MYOCD: variants seen among roughly 807,000 people sequenced by gnomAD.
MYOCD encodes myocardin.
In MYOCD, 32 loss-of-function variants were observed where a neutral mutation model predicts 96.1. The observed-to-expected ratio is 0.33, with a 90% CI of 0.25 to 0.45. MYOCD has a LOEUF of 0.45. Ranked by LOEUF, MYOCD falls within the 20% of genes least tolerant of loss-of-function variation. The pLI is 1.00. For synonymous variants in MYOCD, 469 were observed against 469.0 expected (o/e 1.00, Z 0.00); for missense variants, 1,133 against 1,200.6 (o/e 0.94, Z 0.83).
intron 10 of MYOCD, among the ~76,000 whole-genome samples, chr17:12,755,889 T>TA (rs1329373125): frequency 1.3e-5 from 2 of 151,688 alleles, no homozygotes; most frequent in South Asian, 2.1e-4. Flanking sequence ...ATGAATAAAA[T>TA]AAAAAAATAA....
In MYOCD at chr17:12,768,007, C is replaced by T. The variant is rs2033385352; in HGVS notation, c.*4363C>T. 6.6e-6 allele frequency: 1 copy of T among 152,164 alleles called. No individual in the cohort carries two copies. The highest frequency in any genetic ancestry group is 1.5e-5 in the Non-Finnish European group (1 of 68,036). The allele number at this position is 152,164 out of a possible 1,614,324, so 9.4% of individuals were successfully genotyped here. On this transcript the variant is annotated 3_prime_UTR_variant, in exon 14 of 14. Coordinates refer to ENST00000425538, the MANE Select transcript of MYOCD (RefSeq NM_001146312.3). ...GCTGCCTTCCTCACAGAAGGAAGTTCCCAAAATTGCTGGTACACAGTTTGC... is the reference window on the plus strand; with the variant it reads ...GCTGCCTTCCTCACAGAAGGAAGTTTCCAAAATTGCTGGTACACAGTTTGC...
intron 6 of MYOCD, 136 bp from the exon 7 acceptor site, chr17:12,739,067 T>G: frequency 1.0e-6 from 1 of 965,222 alleles, no homozygotes; most frequent in South Asian, 1.7e-5. Context: ...CTCCTCCCAC[T>G]GAGGGAGTAG....
intron 9 of MYOCD, among the ~76,000 whole-genome samples, chr17:12,752,083 G>A (rs933179306): frequency 6.6e-6 from 1 of 152,142 alleles, no homozygotes; most frequent in Non-Finnish European, 1.5e-5. Flanking sequence ...AACCCAGGCA[G>A]ATATGTTTTC....
chr17:12,733,888 A>C (rs561594940), intron 5 of MYOCD, among the ~76,000 whole-genome samples: 1 of 151,846 alleles, frequency 6.6e-6, no homozygotes, highest in Non-Finnish European at 1.5e-5. Context: ...AAAGAAAAAA[A>C]GAAAGAAATG....
intron 1 of MYOCD, among the ~76,000 whole-genome samples, chr17:12,690,714 A>G (rs2030404193): frequency 6.6e-6 from 1 of 150,716 alleles, no homozygotes; most frequent in African/African-American, 2.5e-5. Flanking sequence ...GACATACTAG[A>G]CTATAGTCTC....
rs181564858 is a variant in MYOCD at position 12,743,817 on chromosome 17, A to G, written c.718-366A>G. On this transcript the variant is annotated intron_variant, in intron 7 of 13. Coordinates refer to ENST00000425538, the MANE Select transcript of MYOCD (RefSeq NM_001146312.3). The stretch of plus-strand genomic sequence containing the variant: ...CCCAGCCATGAAAGAACTTTCTACA[A>G]GTAGTCTCAAGATCAGAATGCAACC... 6.3e-4 allele frequency among the ~76,000 whole-genome samples: 96 copies of G among 152,246 alleles called. 1 individual carries two copies. The highest frequency in any genetic ancestry group is 1.6e-3 in the Admixed American group (25 of 15,284).
intron 1 of MYOCD, among the ~76,000 whole-genome samples, chr17:12,694,291 G>T (rs2051410558): frequency 6.6e-6 from 1 of 152,170 alleles, no homozygotes; most frequent in Admixed American, 6.5e-5. Flanking sequence ...AAAAGCTGCA[G>T]GTGGCTGTGC....
At chr17:12,756,246 G>C (rs894230141) in intron 10 of MYOCD, among the ~76,000 whole-genome samples, 168 bp from the exon 11 acceptor site, 1 of 152,172 alleles carries the variant, frequency 6.6e-6, no homozygotes, top group African/African-American at 2.4e-5. Flanking sequence ...TGAGCAGTAG[G>C]TGATGTCTAA....
chr17:12,682,549 A>G (rs2030302), intron 1 of MYOCD, among the ~76,000 whole-genome samples: 17,904 of 152,230 alleles, frequency 0.12, 1,956 homozygotes, highest in African/African-American at 0.29. Flanking sequence ...AGACTAAATT[A>G]TAAACAGGTA....
intron 4 of MYOCD, 95 bp from the exon 5 acceptor site, chr17:12,722,752 G>T: frequency 1.0e-6 from 1 of 1,003,462 alleles, no homozygotes; most frequent in South Asian, 1.6e-5. Flanking sequence ...AGCACAATGT[G>T]ACACAATCGT....
intron 1 of MYOCD, 49 bp from the exon 2 acceptor site, chr17:12,705,079 T>C (rs2031234501): frequency 2.7e-6 from 3 of 1,124,926 alleles, no homozygotes; most frequent in Non-Finnish European, 4.0e-6. Flanking sequence ...AATATAATGA[T>C]TGTAATGATA....
intron 1 of MYOCD, among the ~76,000 whole-genome samples, chr17:12,694,881 CAAAAAAAAAAA>C (rs201215491): frequency 2.9e-5 from 2 of 69,650 alleles, no homozygotes; most frequent in African/African-American, 1.0e-4. Context: ...AAGGAATAAC[CAAAAAAAAAAA>C]AAAAAAAAAA....
At position 12,753,178 on chromosome 17, in the gene MYOCD, C is replaced by T. The variant is rs1417765484; in HGVS notation, c.1890C>T (p.Ser630=). Residue 630 remains serine (S), a synonymous_variant, in exon 10 of 14, where the codon AGC becomes AGT. Coordinates refer to ENST00000425538, the MANE Select transcript of MYOCD (RefSeq NM_001146312.3). ...QTNVLSSTFL[S]PQCSPQHSPL... is the part of the protein sequence containing the mutation. ...ATGTACTTTCTTCCACATTTCTCAG[C>T]CCCCAGTGTTCCCCTCAGCATTCAC... is the stretch of plus-strand genomic sequence containing the variant. 1.9e-6 allele frequency: 3 copies of T among 1,614,038 alleles called. No individual in the cohort carries two copies. The highest frequency in any genetic ancestry group is 1.7e-5 in the Admixed American group (1 of 59,998).
chr17:12,752,699 C>T lies in MYOCD; in HGVS notation c.1411C>T (p.Leu471=), dbSNP rs2032887569. 1.2e-6 allele frequency: 2 copies of T among 1,614,094 alleles called. No homozygotes were observed. The highest frequency in any genetic ancestry group is 8.5e-7 in the Non-Finnish European group (1 of 1,180,052). Residue 471 remains leucine, a synonymous_variant, in exon 10 of 14, where the codon CTG becomes TTG. Transcript: ENST00000425538. ...CTCTGACCTGTCAGTCGCTGGGTCC[C>T]TGCCGGACACCTTCAATGATGCCTC... is the stretch of plus-strand genomic sequence containing the variant. ...ASSDLSVAGS[L]PDTFNDASPS...
Position 12,763,403 on chromosome 17 carries a change from G to T in MYOCD, c.2720G>T (p.Gly907Val). The stretch of plus-strand genomic sequence containing the variant: ...TTCAATGCACATGAGATCTTGCCAG[G>T]CCCCCTCTCTCCAATGCAGACACAG... ...DLFNAHEILP[G>V]PLSPMQTQFS... Residue 907 changes from glycine (G) to valine (V), a missense_variant, in exon 14 of 14, where the codon GGC (glycine) becomes GTC (valine). Transcript: ENST00000425538. 1 of 1,606,032 alleles carries T rather than the reference G, an allele frequency of 6.2e-7. No homozygotes were observed. The highest frequency in any genetic ancestry group is 8.5e-7 in the Non-Finnish European group (1 of 1,175,136).
At position 12,718,317 on chromosome 17, in the gene MYOCD, G is replaced by A. The variant is rs1193938115; in HGVS notation, c.253+896G>A. Among the ~76,000 whole-genome samples, 7 of 152,222 alleles carry A rather than the reference G, an allele frequency of 4.6e-5. No homozygotes were observed. In the South Asian group the frequency reaches 8.3e-4, roughly 18 times the overall value. ...AAGAGGATCAAAGAAAAGAGCCATC[G>A]GAATCAGAATGGACAGGGGAGGAGT... On this transcript the variant is annotated intron_variant, in intron 4 of 13. Coordinates refer to ENST00000425538, the MANE Select transcript of MYOCD (RefSeq NM_001146312.3).
intron 1 of MYOCD, among the ~76,000 whole-genome samples, chr17:12,696,582 T>G (rs1003550259): frequency 1.3e-5 from 2 of 152,138 alleles, no homozygotes; most frequent in Non-Finnish European, 2.9e-5. Flanking sequence ...CACCACTTGT[T>G]TTCTGTTTTA....
chr17:12,682,745 C>T (rs555175855), intron 1 of MYOCD, among the ~76,000 whole-genome samples: 181 of 152,276 alleles, frequency 1.2e-3, no homozygotes, highest in Non-Finnish European at 2.0e-3. Flanking sequence ...CAGAAGTGTA[C>T]GTTTTGCTCA....
At chr17:12,744,526 C>A in intron 8 of MYOCD, 90 bp downstream of exon 8, 2 of 1,479,302 alleles carry the variant, frequency 1.4e-6, no homozygotes, top group Non-Finnish European at 1.8e-6. Flanking sequence ...TGGGGCCTAG[C>A]AAGTCCTGTA....
Sources: gnomAD v4.1 joint callset for allele counts (sites outside exome capture counted in the v4.1 genomes callset) on GRCh38, gnomAD v4.1.1 for gene constraint, MANE v1.5 for transcripts, NCBI Gene and HGNC (gene_info 2026-07-23, HGNC 2026-07-21) for gene names.